The following ZNF410 variants were observed in gnomAD, a reference collection of about 807,000 sequenced individuals.
ZNF410 encodes the protein zinc finger protein 410.
A neutral mutation model predicts 54.8 loss-of-function variants in ZNF410; 18 were observed. The ratio of observed to expected loss-of-function variants is 0.33; its 90% CI spans 0.23 to 0.49. ZNF410 has a LOEUF of 0.49. ZNF410 is among the 20% of genes least tolerant of loss of function. The pLI is 0.99. For synonymous variants in ZNF410, 191 were observed against 207.3 expected (o/e 0.92, Z 0.68); for missense variants, 405 against 569.6 (o/e 0.71, Z 2.94).
chr14:73,911,630 G>T (rs549416876), intron 8 of ZNF410, among the ~76,000 whole-genome samples: 3 of 152,186 alleles, frequency 2.0e-5, no homozygotes, highest in East Asian at 1.9e-4. Flanking sequence ...CCAAAGTAGA[G>T]AAATTTTTTT....
intron 8 of ZNF410, among the ~76,000 whole-genome samples, chr14:73,917,102 C>T (rs2055679190): frequency 1.3e-5 from 2 of 152,134 alleles, no homozygotes; most frequent in South Asian, 4.1e-4. Flanking sequence ...TAAATTTTCA[C>T]ATTAAACAAT....
rs530256906 is a variant in ZNF410, at chr14:73,930,030, G to T, written c.1399-1473G>T. On this transcript the variant is annotated intron_variant, in intron 11 of 11. Transcript: ENST00000555044. Reference sequence around the variant, plus strand: ...CTAAATGGGGCTCCATATTTACATTGAGTTCACATTCTTGAACTCAAGAAC... The same window carrying T: ...CTAAATGGGGCTCCATATTTACATTTAGTTCACATTCTTGAACTCAAGAAC... Among the ~76,000 whole-genome samples the T allele has an allele frequency of 8.5e-5, 13 of 152,194 alleles. No individual in the cohort carries two copies. The South Asian group carries it at 2.7e-3, about 32-fold the overall frequency.
intron 4 of ZNF410, 95 bp from the exon 5 acceptor site, chr14:73,897,971 CAAAAA>C (rs5809635): frequency 1.2e-3 from 813 of 686,174 alleles, no homozygotes; most frequent in Admixed American, 1.8e-3. Flanking sequence ...GACGCCGTCT[CAAAAA>C]AAAAAAAAAA....
At chr14:73,897,971 CAAAAAAAA>C in intron 4 of ZNF410, 92 bp from the exon 5 acceptor site, 2 of 685,868 alleles carry the variant, frequency 2.9e-6, no homozygotes, top group African/African-American at 2.9e-5. Flanking sequence ...GACGCCGTCT[CAAAAAAAA>C]AAAAAAAAAA....
At chr14:73,920,750 G>T in intron 8 of ZNF410, 1 of 500,160 alleles carries the variant, frequency 2.0e-6, no homozygotes. Flanking sequence ...ATTACAGAAG[G>T]TCTGGAAAGG....
At chr14:73,928,941 A>C (rs903555429) in intron 11 of ZNF410, among the ~76,000 whole-genome samples, 1 of 152,086 alleles carries the variant, frequency 6.6e-6, no homozygotes, top group Non-Finnish European at 1.5e-5. Flanking sequence ...ATCCTATCCC[A>C]AAAATCAAAC....
intron 11 of ZNF410, chr14:73,924,609 C>G (rs1266025425): frequency 2.4e-6 from 1 of 418,080 alleles, no homozygotes; most frequent in Non-Finnish European, 4.7e-6. Flanking sequence ...TTGTCAAAAC[C>G]TCTGTAGCTT....
Position 73,896,307 on chromosome 14 carries a change from C to CTTTACTAGA in ZNF410, c.170-7_171dup. 6.2e-7 allele frequency: 1 copy of CTTTACTAGA among 1,611,866 alleles called. No homozygotes were observed. Among genetic ancestry groups the CTTTACTAGA allele is most frequent in the Non-Finnish European group, 8.5e-7 (1 of 1,178,116 alleles). ...GCTACATAAAGCTGTGGTATTTTCC[C>CTTTACTAGA]TTTACTAGATGATACTACAAATCAT... On this transcript the variant is annotated splice_polypyrimidine_tract_variant and intron_variant, in intron 3 of 11. Transcript: ENST00000555044.
At chr14:73,921,318 C>T in intron 9 of ZNF410, 1 of 479,724 alleles carries the variant, frequency 2.1e-6, no homozygotes, top group South Asian at 3.4e-5. Flanking sequence ...CTTGTCCGCC[C>T]ACCAATAAAA....
chr14:73,920,951 T>G lies in ZNF410; in HGVS notation c.1004-29T>G, dbSNP rs1391565815. ...TTCATTCTCTTCCTGTCCTTTTGGC[T>G]TCCTTGTTTAACCTGGTCCCTGTTT... On this transcript the variant is annotated intron_variant, in intron 8 of 11. Coordinates refer to ENST00000555044, the MANE Select transcript of ZNF410 (RefSeq NM_021188.3). The G allele has an allele frequency of 1.9e-6, 3 of 1,613,198 alleles. No homozygotes were observed. The South Asian group carries it at 3.3e-5, about 18-fold the overall frequency.
chr14:73,894,043 A>G, intron 3 of ZNF410, 111 bp downstream of exon 3: 1 of 1,387,476 alleles, frequency 7.2e-7, no homozygotes, highest in Non-Finnish European at 9.7e-7. Flanking sequence ...TGGAAACTGT[A>G]AAAATTAGGA....
intron 2 of ZNF410, 51 bp downstream of exon 2, chr14:73,892,259 G>A (rs1215732009): frequency 1.2e-6 from 2 of 1,600,106 alleles, no homozygotes; most frequent in Non-Finnish European, 1.7e-6. Flanking sequence ...ATATTTCAAA[G>A]TTTATCTTCA....
In ZNF410 at chr14:73,931,656, T is replaced by A; in HGVS notation, c.*115T>A. On this transcript the variant is annotated 3_prime_UTR_variant, in exon 12 of 12. Coordinates refer to ENST00000555044, the MANE Select transcript of ZNF410 (RefSeq NM_021188.3). ...GAATGAATCTTTGAAGGCACAAGAC[T>A]CTGCTTTTGCCACTCTTCCTCTTTC... 1.0e-6 allele frequency: 1 copy of A among 953,960 alleles called. No individual in the cohort carries two copies. The highest frequency in any genetic ancestry group is 1.6e-6 in the Non-Finnish European group (1 of 613,442). The allele number at this position is 953,960 out of a possible 1,614,324, so 59.1% of individuals were successfully genotyped here. A position where few individuals can be genotyped will look rare whatever the true frequency, so the allele number is the denominator to read the frequency against.
At chr14:73,894,729 T>C (rs2055286854) in intron 3 of ZNF410, among the ~76,000 whole-genome samples, 1 of 152,074 alleles carries the variant, frequency 6.6e-6, no homozygotes, top group African/African-American at 2.4e-5. Flanking sequence ...GCCAGGCCTA[T>C]CAATACATAC....
At chr14:73,927,800 G>A (rs1297313076) in intron 11 of ZNF410, 1 of 154,818 alleles carries the variant, frequency 6.5e-6, no homozygotes, top group African/African-American at 2.4e-5. Flanking sequence ...GTGAGGTTAG[G>A]ATGGGAGAAG....
At chr14:73,912,169 C>CTTTT (rs34162465) in intron 8 of ZNF410, among the ~76,000 whole-genome samples, 3 of 128,570 alleles carry the variant, frequency 2.3e-5, no homozygotes, top group Admixed American at 7.9e-5. Flanking sequence ...CTTTCACTTT[C>CTTTT]TTTTTTTTTT....
Position 73,898,213 on chromosome 14 carries a change from T to G in ZNF410, c.531T>G (p.Ile177Met). The G allele has an allele frequency of 6.2e-7, 1 of 1,614,128 alleles. No homozygotes were observed. Among genetic ancestry groups the G allele is most frequent in the Non-Finnish European group, 8.5e-7 (1 of 1,180,024 alleles). Reference sequence around the variant, plus strand: ...AGGAGTTGGCCCATGACAGTTTGATTGCTGCTACTCGTGCACAACTGGCAA... The same window carrying G: ...AGGAGTTGGCCCATGACAGTTTGATGGCTGCTACTCGTGCACAACTGGCAA... ...RVQELAHDSL[I>M]AATRAQLAKN... Residue 177 changes from isoleucine (I) to methionine (M), a missense_variant, in exon 5 of 12, where the codon ATT becomes ATG. Physicochemically the swap from Ile to Met is conservative, Grantham distance 10. Around this residue, in one of 3 missense-constraint regions of ZNF410, gnomAD observed 247 missense variants for 342.8 expected, o/e 0.72. Coordinates refer to ENST00000555044, the MANE Select transcript of ZNF410 (RefSeq NM_021188.3).
intron 9 of ZNF410, 42 bp downstream of exon 9, chr14:73,921,147 G>A (rs2055749386): frequency 1.2e-6 from 2 of 1,606,474 alleles, no homozygotes; most frequent in Admixed American, 1.7e-5. Flanking sequence ...CTACTTCTAG[G>A]GTTCCAAGAG....
chr14:73,908,802 G>C (rs1316229845), intron 7 of ZNF410, among the ~76,000 whole-genome samples: 1 of 151,664 alleles, frequency 6.6e-6, no homozygotes, highest in African/African-American at 2.4e-5. Flanking sequence ...ACACTAGTTT[G>C]TGACCCTTGG....
Sources: gnomAD v4.1 joint callset for allele counts (sites outside exome capture counted in the v4.1 genomes callset) on GRCh38, gnomAD v4.1.1 for gene constraint, gnomAD v4.1.1 regional missense constraint, MANE v1.5 for transcripts, NCBI Gene and HGNC (gene_info 2026-07-23, HGNC 2026-07-21) for gene names.